Variants in WIPF2 observed in about 807,000 individuals in gnomAD.
The protein encoded by WIPF2 is WAS/WASL interacting protein family member 2.
In WIPF2, 23 loss-of-function variants were observed where a neutral mutation model predicts 38.8. That is an observed-to-expected ratio of 0.59 (90% CI 0.43 to 0.84). The LOEUF is 0.84. Ranked by LOEUF, WIPF2 falls within the 40% of genes least tolerant of loss-of-function variation. WIPF2 has a pLI of 0.00. For synonymous variants in WIPF2, 210 were observed against 223.2 expected (o/e 0.94, Z 0.53); for missense variants, 574 against 580.5 (o/e 0.99, Z 0.11).
At position 40,273,830 on chromosome 17, in the gene WIPF2, G is replaced by T. The variant is rs768747634; in HGVS notation, c.1011G>T (p.Arg337Ser). 1 of 1,605,812 alleles carries T rather than the reference G, an allele frequency of 6.2e-7. No individual in the cohort carries two copies. Among genetic ancestry groups the T allele is most frequent in the South Asian group, 1.1e-5 (1 of 90,778 alleles). The change falls in exon 6 of 8, where the codon AGG (arginine) becomes AGT (serine). Residue 337 changes from arginine (R) to serine (S), a missense_variant. Physicochemically the swap from Arg to Ser is moderately radical, Grantham distance 110. Transcript: ENST00000323571. ...PPPPVIRNGA[R>S]DAPPPPPPYR... ...CACCTGTGATCCGAAATGGTGCCAG[G>T]GATGCTCCCCCTCCCCCACCACCAT...
chr17:40,237,101 T>G (rs1295182746), intron 1 of WIPF2, among the ~76,000 whole-genome samples: 1 of 152,104 alleles, frequency 6.6e-6, no homozygotes, highest in African/African-American at 2.4e-5. Flanking sequence ...CTGGGAAATT[T>G]TCTTGTATTA....
intron 1 of WIPF2, among the ~76,000 whole-genome samples, chr17:40,246,664 T>A (rs1413586157): frequency 1.3e-5 from 2 of 152,118 alleles, no homozygotes; most frequent in African/African-American, 4.8e-5. Context: ...CCCAAAGTGC[T>A]GGGATTACAG....
At chr17:40,272,854 C>G (rs2032288121) in intron 5 of WIPF2, among the ~76,000 whole-genome samples, 1 of 152,140 alleles carries the variant, frequency 6.6e-6, no homozygotes, top group Admixed American at 6.5e-5. Flanking sequence ...GGGGAAAGAG[C>G]ACACAGAATA....
At chr17:40,228,688 G>A (rs1251088574) in intron 1 of WIPF2, among the ~76,000 whole-genome samples, 1 of 151,846 alleles carries the variant, frequency 6.6e-6, no homozygotes, top group Non-Finnish European at 1.5e-5. Flanking sequence ...GAATTTAGTG[G>A]TGCAAACATG....
At chr17:40,245,801 T>C (rs922825412) in intron 1 of WIPF2, among the ~76,000 whole-genome samples, 2 of 152,246 alleles carry the variant, frequency 1.3e-5, no homozygotes, top group South Asian at 4.1e-4. Context: ...ACAAAATCCC[T>C]CCTGGTTGAG....
At chr17:40,252,619 A>G (rs1188746812) in intron 1 of WIPF2, among the ~76,000 whole-genome samples, 1 of 149,684 alleles carries the variant, frequency 6.7e-6, no homozygotes, top group Non-Finnish European at 1.5e-5. Context: ...AGCCGAGATG[A>G]TGTTACTGTA....
At chr17:40,252,383 G>A (rs1013484707) in intron 1 of WIPF2, among the ~76,000 whole-genome samples, 1 of 152,124 alleles carries the variant, frequency 6.6e-6, no homozygotes, top group Non-Finnish European at 1.5e-5. Flanking sequence ...AGAAACCCAG[G>A]CCGGGCATGG....
intron 1 of WIPF2, among the ~76,000 whole-genome samples, chr17:40,255,330 T>TC (rs910469664): frequency 6.6e-6 from 1 of 151,992 alleles, no homozygotes; most frequent in African/African-American, 2.4e-5. Flanking sequence ...CTTTAAATTT[T>TC]TTTTTTTTTG....
intron 1 of WIPF2, among the ~76,000 whole-genome samples, chr17:40,221,319 C>T (rs1405529655): frequency 2.6e-5 from 4 of 152,108 alleles, no homozygotes; most frequent in Admixed American, 1.3e-4. Context: ...TTATTAAGCT[C>T]TCATTTTTTT....
At chr17:40,247,333 T>C (rs1406738742) in intron 1 of WIPF2, among the ~76,000 whole-genome samples, 1 of 147,102 alleles carries the variant, frequency 6.8e-6, no homozygotes, top group Non-Finnish European at 1.5e-5. Flanking sequence ...TTCTCCTGCT[T>C]CAGCCTCCCA....
chr17:40,229,749 T>A lies in WIPF2; in HGVS notation c.-70+10257T>A, dbSNP rs919023222. Among the ~76,000 whole-genome samples, 8 of 152,302 alleles carry A rather than the reference T, an allele frequency of 5.3e-5. No individual in the cohort carries two copies. The East Asian group carries it at 1.5e-3, about 29-fold the overall frequency. ...AAGACATTTATTAAACAAATAATTATTACTGTTGCTGTAAATGCTGTGGAG... is the reference window on the plus strand; with the variant it reads ...AAGACATTTATTAAACAAATAATTAATACTGTTGCTGTAAATGCTGTGGAG... On this transcript the variant is annotated intron_variant, in intron 1 of 7. Transcript: ENST00000323571.
intron 1 of WIPF2, among the ~76,000 whole-genome samples, chr17:40,247,085 A>G (rs1285843769): frequency 1.3e-5 from 2 of 151,558 alleles, no homozygotes; most frequent in Non-Finnish European, 2.9e-5. Context: ...TTGCACTCCA[A>G]CCTGGGTGAC....
intron 1 of WIPF2, among the ~76,000 whole-genome samples, chr17:40,232,589 G>A (rs1229970076): frequency 6.6e-6 from 1 of 150,448 alleles, no homozygotes; most frequent in Non-Finnish European, 1.5e-5. Context: ...AAAGTGATGG[G>A]ATTACAGGTA....
At chr17:40,270,904 G>A (rs1422163992) in intron 5 of WIPF2, among the ~76,000 whole-genome samples, 1 of 152,042 alleles carries the variant, frequency 6.6e-6, no homozygotes, top group Non-Finnish European at 1.5e-5. Flanking sequence ...GTGTGTGTAT[G>A]TTATTCTATT....
chr17:40,277,056 G>C (rs756044069), intron 6 of WIPF2, 27 bp from the exon 7 acceptor site: 1 of 1,578,768 alleles, frequency 6.3e-7, no homozygotes, highest in Non-Finnish European at 8.7e-7. Flanking sequence ...AAGGATGATA[G>C]GAATTAATGT....
At chr17:40,240,688 T>C (rs1479913584) in intron 1 of WIPF2, among the ~76,000 whole-genome samples, 1 of 152,038 alleles carries the variant, frequency 6.6e-6, no homozygotes, top group African/African-American at 2.4e-5. Context: ...CTCACGCCTG[T>C]AATCCCGGCA....
At position 40,277,003 on chromosome 17, in the gene WIPF2, G is replaced by A. The variant is rs1567726826; in HGVS notation, c.1181-80G>A. On this transcript the variant is annotated intron_variant, in intron 6 of 7. Coordinates refer to ENST00000323571, the MANE Select transcript of WIPF2 (RefSeq NM_133264.5). ...CTCAGAATGCCTGAGAGATTAGTAA[G>A]TGGGGAGGGTCGAAGCGATCAGAGG... 9.0e-6 allele frequency: 11 copies of A among 1,225,298 alleles called. No homozygotes were observed. The South Asian group carries it at 1.1e-4, about 12-fold the overall frequency. 75.9% of individuals were successfully genotyped at this position (1,225,298 alleles called of 1,614,324 possible).
At chr17:40,225,762 T>G in intron 1 of WIPF2, among the ~76,000 whole-genome samples, 1 of 152,104 alleles carries the variant, frequency 6.6e-6, no homozygotes, top group East Asian at 1.9e-4. Context: ...GCTCAGGTGT[T>G]CTTCCCACTT....
rs564364365 is a variant in WIPF2, at chr17:40,279,996, G to A, written c.*1771G>A. On this transcript the variant is annotated 3_prime_UTR_variant, in exon 8 of 8. Transcript: ENST00000323571. ...GTCTCCCCAGTGCTAGGTGAGGGAG[G>A]GCTCAACGGGGGTAATGTGTATGGG... is the stretch of plus-strand genomic sequence containing the variant. 19 of 152,400 alleles carry A rather than the reference G, an allele frequency of 1.2e-4. No individual in the cohort carries two copies. The highest frequency in any genetic ancestry group is 7.2e-4 in the Admixed American group (11 of 15,276). 9.4% of individuals were successfully genotyped at this position (152,400 alleles called of 1,614,324 possible).
Sources: allele counts gnomAD v4.1 joint callset (sites outside exome capture counted in the v4.1 genomes callset), GRCh38; gene constraint gnomAD v4.1.1; transcripts MANE v1.5; gene names NCBI Gene and HGNC (gene_info 2026-07-23, HGNC 2026-07-21).